Variants in DCLK2 observed in about 807,000 individuals in gnomAD.
DCLK2 encodes the protein serine/threonine-protein kinase DCLK2.
DCLK2 carries 31 observed loss-of-function variants against 78.4 expected under a neutral mutation model. That is an observed-to-expected ratio of 0.40 (90% confidence interval 0.30 to 0.53). DCLK2 has a LOEUF of 0.53. DCLK2 is among the 20% of genes least tolerant of loss of function. The pLI is 0.61. For missense variants in DCLK2, 872 were observed against 973.7 expected (o/e 0.90, Z 1.39); for synonymous variants, 407 against 374.9 (o/e 1.09, Z -0.99).
chr4:150,173,865 A>G (rs77706253), intron 2 of DCLK2, among the ~76,000 whole-genome samples: 5,965 of 152,278 alleles, frequency 0.039, 191 homozygotes, highest in Non-Finnish European at 0.056. Flanking sequence ...TGAACAGCTC[A>G]TGGCAGTGAT....
chr4:150,140,645 C>A (rs1045636082), intron 2 of DCLK2, among the ~76,000 whole-genome samples: 4 of 152,180 alleles, frequency 2.6e-5, no homozygotes, highest in Non-Finnish European at 4.4e-5. Flanking sequence ...CTACTATGTT[C>A]TATTTATTCT....
chr4:150,173,247 C>G (rs772894227), intron 2 of DCLK2, among the ~76,000 whole-genome samples: 2 of 152,084 alleles, frequency 1.3e-5, no homozygotes, highest in Non-Finnish European at 2.9e-5. Flanking sequence ...CTCTCCTGCC[C>G]GTCACTCTGC....
At chr4:150,219,738 G>A (rs549793674) in intron 5 of DCLK2, among the ~76,000 whole-genome samples, 2 of 152,286 alleles carry the variant, frequency 1.3e-5, no homozygotes, top group Non-Finnish European at 2.9e-5. Flanking sequence ...CATTTTTAGG[G>A]GAGAAAATGA....
chr4:150,240,751 A>T (rs1272364184), intron 12 of DCLK2, among the ~76,000 whole-genome samples: 21 of 87,396 alleles, frequency 2.4e-4, no homozygotes, highest in African/African-American at 7.1e-4. Context: ...AAATATAATA[A>T]AAAAAAAAAA....
chr4:150,217,073 GT>G (rs892485244), intron 5 of DCLK2, among the ~76,000 whole-genome samples: 1 of 152,092 alleles, frequency 6.6e-6, no homozygotes, highest in East Asian at 1.9e-4. Flanking sequence ...AATAGAAATT[GT>G]TAGTTTGACA....
chr4:150,164,367 AC>A (rs1181046628), intron 2 of DCLK2, among the ~76,000 whole-genome samples: 3 of 151,816 alleles, frequency 2.0e-5, no homozygotes, highest in Non-Finnish European at 2.9e-5. Context: ...TTACTTACTT[AC>A]CCCCCTACCC....
At chr4:150,123,933 G>T (rs947667132) in intron 2 of DCLK2, among the ~76,000 whole-genome samples, 6 of 151,900 alleles carry the variant, frequency 3.9e-5, no homozygotes, top group Non-Finnish European at 8.8e-5. Flanking sequence ...CCAGCTACTC[G>T]GGTGGCTGAG....
At chr4:150,219,599 T>C (rs1741021105) in intron 5 of DCLK2, among the ~76,000 whole-genome samples, 1 of 152,188 alleles carries the variant, frequency 6.6e-6, no homozygotes, top group Non-Finnish European at 1.5e-5. Flanking sequence ...CTGTGCTAGA[T>C]GATTTAAGAA....
chr4:150,140,510 A>C (rs1387831384), intron 2 of DCLK2, among the ~76,000 whole-genome samples: 2 of 152,238 alleles, frequency 1.3e-5, no homozygotes, highest in Non-Finnish European at 2.9e-5. Flanking sequence ...AGAGTTGCTC[A>C]CAAAACACAC....
intron 5 of DCLK2, among the ~76,000 whole-genome samples, chr4:150,217,917 C>T (rs2126516061): frequency 6.6e-6 from 1 of 152,328 alleles, no homozygotes; most frequent in South Asian, 2.1e-4. Context: ...AATTTGACAG[C>T]TTTGAAAAAT....
At chr4:150,136,087 A>G (rs533012637) in intron 2 of DCLK2, among the ~76,000 whole-genome samples, 1 of 152,284 alleles carries the variant, frequency 6.6e-6, no homozygotes, top group South Asian at 2.1e-4. Context: ...ACCCCCTTAA[A>G]TTGTGGACCG....
rs538290556 is a variant in DCLK2 at position 150,153,766 on chromosome 4, A to C, written c.757-39372A>C. ...TGTATTAGGACTCTTTCCTTCAGAA[A>C]ACAAGCACAAACTGGTGTGAGGAGA... On this transcript the variant is annotated intron_variant, in intron 2 of 15. Transcript: ENST00000296550. Among the ~76,000 whole-genome samples the C allele has an allele frequency of 2.6e-5, 4 of 152,152 alleles. No homozygotes were observed. The South Asian group carries it at 8.3e-4, about 32-fold the overall frequency.
At chr4:150,100,703 A>T (rs765787203) in intron 1 of DCLK2, among the ~76,000 whole-genome samples, 1 of 152,194 alleles carries the variant, frequency 6.6e-6, no homozygotes, top group Non-Finnish European at 1.5e-5. Context: ...CCATTAATGC[A>T]TATGTGTGGT....
chr4:150,197,593 A>C (rs1414030591), intron 3 of DCLK2, among the ~76,000 whole-genome samples: 4 of 152,130 alleles, frequency 2.6e-5, no homozygotes, highest in Non-Finnish European at 4.4e-5. Context: ...GTCTCTACTA[A>C]TAATACAAAA....
At chr4:150,084,392 T>C (rs984435029) in intron 1 of DCLK2, among the ~76,000 whole-genome samples, 4 of 152,244 alleles carry the variant, frequency 2.6e-5, no homozygotes, top group Admixed American at 2.0e-4. Flanking sequence ...TAGATAAACG[T>C]ATAATTTTGG....
At chr4:150,159,951 CCTT>C (rs1735584064) in intron 2 of DCLK2, among the ~76,000 whole-genome samples, 3 of 151,782 alleles carry the variant, frequency 2.0e-5, no homozygotes, top group East Asian at 3.9e-4. Context: ...ACTTCCTTTT[CCTT>C]CTTCTTTACT....
At chr4:150,206,035 C>T (rs1038366408) in intron 5 of DCLK2, among the ~76,000 whole-genome samples, 1 of 152,228 alleles carries the variant, frequency 6.6e-6, no homozygotes, top group African/African-American at 2.4e-5. Flanking sequence ...AGTCCATCTT[C>T]ACCTCTAAAC....
At chr4:150,172,764 G>A (rs867739423) in intron 2 of DCLK2, among the ~76,000 whole-genome samples, 6 of 128,068 alleles carry the variant, frequency 4.7e-5, no homozygotes, top group Admixed American at 2.2e-4. Context: ...TTTTTTTGGG[G>A]GGGGGGGGGA....
chr4:150,232,569 C>A, intron 9 of DCLK2, 113 bp downstream of exon 9: 1 of 1,527,800 alleles, frequency 6.5e-7, no homozygotes, highest in Non-Finnish European at 8.9e-7. Context: ...TTTATAATCG[C>A]CGATTTTAGT....
Sources: gnomAD v4.1 joint callset for allele counts (sites outside exome capture counted in the v4.1 genomes callset) on GRCh38, gnomAD v4.1.1 for gene constraint, MANE v1.5 for transcripts, NCBI Gene and HGNC (gene_info 2026-07-23, HGNC 2026-07-21) for gene names.